The following GAS7 variants were observed in gnomAD, a reference collection of about 807,000 sequenced individuals.
The protein encoded by GAS7 is growth arrest specific 7.
In GAS7, 28 loss-of-function variants were observed where a neutral mutation model predicts 71.1. The observed-to-expected ratio is 0.39, with a 90% confidence interval of 0.29 to 0.54. GAS7 has a LOEUF of 0.54. GAS7 is among the 20% of genes least tolerant of loss of function. The pLI, the probability that GAS7 is intolerant of heterozygous loss-of-function variation, is 0.62. For missense variants in GAS7, 436 were observed against 627.8 expected (o/e 0.69, Z 3.27); for synonymous variants, 258 against 245.8 (o/e 1.05, Z -0.46).
chr17:10,128,436 T>TA lies in GAS7; in HGVS notation c.183+69771dup, dbSNP rs1293827098. ...CCACAGCCCGGGATTCCATACTTGA[T>TA]ACAATCAGTTCTGAGTATCAATCCA... On this transcript the variant is annotated intron_variant, in intron 1 of 13. Transcript: ENST00000432992. Among the ~76,000 whole-genome samples, 3 of 149,808 alleles carry TA rather than the reference T, an allele frequency of 2.0e-5. No individual in the cohort carries two copies. In the East Asian group the frequency reaches 5.9e-4, roughly 29 times the overall value.
chr17:9,941,597 G>A (rs796721155), intron 7 of GAS7, among the ~76,000 whole-genome samples: 17 of 152,296 alleles, frequency 1.1e-4, no homozygotes, highest in African/African-American at 3.6e-4. Flanking sequence ...TGGTGTATGC[G>A]TTTTCTCTAG....
chr17:9,920,524 G>A (rs1199105735), intron 11 of GAS7, among the ~76,000 whole-genome samples: 1 of 152,228 alleles, frequency 6.6e-6, no homozygotes. Context: ...CAGCACCTTG[G>A]AACCTTGCTA....
At chr17:10,024,722 G>GAT (rs1354376197) in intron 1 of GAS7, among the ~76,000 whole-genome samples, 3 of 152,130 alleles carry the variant, frequency 2.0e-5, no homozygotes, top group East Asian at 1.9e-4. Context: ...CCTGCTCAAT[G>GAT]ATATATATGG....
intron 1 of GAS7, among the ~76,000 whole-genome samples, chr17:10,164,020 T>C (rs1274126957): frequency 1.3e-5 from 2 of 152,146 alleles, no homozygotes; most frequent in Non-Finnish European, 2.9e-5. Context: ...AGCTCAGATT[T>C]CTCAGTTTCT....
At chr17:10,180,165 A>G (rs997442077) in intron 1 of GAS7, among the ~76,000 whole-genome samples, 2 of 151,956 alleles carry the variant, frequency 1.3e-5, no homozygotes, top group Admixed American at 6.6e-5. Context: ...ACGTGAGGAA[A>G]CCCCATCTCT....
rs1317364854 is a variant in GAS7 at position 9,924,927 on chromosome 17, G to A, written c.1138+549C>T. The A allele has an allele frequency of 2.6e-5, 4 of 152,234 alleles. 1 individual carries two copies. The highest frequency in any genetic ancestry group is 6.3e-3 in the Middle Eastern group (2 of 316). 9.4% of individuals were successfully genotyped at this position (152,234 alleles called of 1,614,324 possible). On this transcript the variant is annotated intron_variant, in intron 11 of 13. Transcript: ENST00000432992. ...TAACTTTGACCACTAGGTGGAAGCA[G>A]AAACCAACTCATTGGGAGACTATTC...
At chr17:10,059,138 C>T (rs562605364) in intron 1 of GAS7, among the ~76,000 whole-genome samples, 1 of 152,330 alleles carries the variant, frequency 6.6e-6, no homozygotes, top group South Asian at 2.1e-4. Flanking sequence ...CCCACTTTCC[C>T]CAGGGCAGCT....
rs909788351 is a variant in GAS7 at position 10,048,870 on chromosome 17, A to G, written c.184-28973T>C. On this transcript the variant is annotated intron_variant, in intron 1 of 13. Coordinates refer to ENST00000432992, the MANE Select transcript of GAS7 (RefSeq NM_201433.2). ...ATTTCTTGCTCAGTACAAACTCCCA[A>G]TGCAAAAATCCAGAGAACTGTGTGC... is the stretch of plus-strand genomic sequence containing the variant. 5.3e-5 allele frequency among the ~76,000 whole-genome samples: 8 copies of G among 152,220 alleles called. No individual in the cohort carries two copies. The East Asian group carries it at 5.8e-4, about 11-fold the overall frequency.
At chr17:9,996,024 G>A (rs1348877719) in intron 2 of GAS7, among the ~76,000 whole-genome samples, 1 of 152,330 alleles carries the variant, frequency 6.6e-6, no homozygotes, top group Non-Finnish European at 1.5e-5. Flanking sequence ...AGGCAAATGT[G>A]CCGAAAGAAT....
intron 1 of GAS7, among the ~76,000 whole-genome samples, chr17:10,070,341 CT>C (rs71365713): frequency 0.031 from 3,322 of 106,148 alleles, 101 homozygotes; most frequent in African/African-American, 0.098. Flanking sequence ...TCTCTCTCTT[CT>C]TTTTTTTTTT....
chr17:9,990,882 G>C (rs975635213), intron 2 of GAS7, among the ~76,000 whole-genome samples: 2 of 152,158 alleles, frequency 1.3e-5, no homozygotes, highest in Non-Finnish European at 2.9e-5. Context: ...CCGTTATTAA[G>C]AGCTCTGGCG....
At chr17:10,003,103 C>T (rs1404304323) in intron 2 of GAS7, among the ~76,000 whole-genome samples, 2 of 152,190 alleles carry the variant, frequency 1.3e-5, no homozygotes, top group Non-Finnish European at 2.9e-5. Context: ...CAACTCAACC[C>T]GTAACATGAA....
At chr17:10,177,441 A>C (rs2074381063) in intron 1 of GAS7, among the ~76,000 whole-genome samples, 1 of 151,890 alleles carries the variant, frequency 6.6e-6, no homozygotes, top group Admixed American at 6.6e-5. Flanking sequence ...GCCAGTGGAG[A>C]TCAGGTGTGG....
chr17:10,161,145 C>T (rs893123569), intron 1 of GAS7, among the ~76,000 whole-genome samples: 18 of 152,064 alleles, frequency 1.2e-4, no homozygotes, highest in Admixed American at 5.9e-4. Flanking sequence ...TCAGGTGCTT[C>T]CCAAGTATTA....
chr17:9,935,273 C>T (rs901089169), intron 8 of GAS7, among the ~76,000 whole-genome samples: 2 of 152,294 alleles, frequency 1.3e-5, no homozygotes, highest in South Asian at 2.1e-4. Flanking sequence ...TAGAGAAGGG[C>T]CAAGTCCTCT....
intron 9 of GAS7, among the ~76,000 whole-genome samples, chr17:9,928,024 C>T (rs1289717457): frequency 6.6e-6 from 1 of 152,058 alleles, no homozygotes; most frequent in Admixed American, 6.5e-5. Flanking sequence ...TTATTCCTTC[C>T]CTCTTTCCCA....
At chr17:10,139,035 G>A (rs1238500297) in intron 1 of GAS7, among the ~76,000 whole-genome samples, 4 of 152,024 alleles carry the variant, frequency 2.6e-5, no homozygotes, top group African/African-American at 7.3e-5. Flanking sequence ...TGGTATTAGC[G>A]CCAGCCTAGT....
chr17:10,164,438 C>T (rs1451537518), intron 1 of GAS7, among the ~76,000 whole-genome samples: 2 of 120,692 alleles, frequency 1.7e-5, no homozygotes, highest in South Asian at 3.0e-4. Context: ...GAGACTCTGT[C>T]TCAAAAAAAA....
chr17:10,045,139 T>C (rs1018391812), intron 1 of GAS7, among the ~76,000 whole-genome samples: 2 of 151,222 alleles, frequency 1.3e-5, no homozygotes, highest in Non-Finnish European at 1.5e-5. Flanking sequence ...AAGAGAAATA[T>C]GGAAGAGTGA....
Sources: gnomAD v4.1 joint callset for allele counts (sites outside exome capture counted in the v4.1 genomes callset) on GRCh38, gnomAD v4.1.1 for gene constraint, MANE v1.5 for transcripts, NCBI Gene and HGNC (gene_info 2026-07-23, HGNC 2026-07-21) for gene names.